The following IGF2R variants were observed in gnomAD, a reference collection of about 807,000 sequenced individuals.
IGF2R encodes the protein cation-independent mannose-6-phosphate receptor.
A neutral mutation model predicts 270.6 loss-of-function variants in IGF2R; 91 were observed. The ratio of observed to expected loss-of-function variants is 0.34; its 90% CI spans 0.28 to 0.40. IGF2R has a LOEUF of 0.40. Among genes scored for constraint, IGF2R ranks in the 10% least tolerant of loss-of-function variants. The pLI is 1.00. For missense variants in IGF2R, 2,805 were observed against 3,188.3 expected, an observed-to-expected ratio of 0.88 and a Z score of 2.90; for synonymous variants, 1,316 against 1,258.9, an observed-to-expected ratio of 1.05 and a Z score of -0.96.
At position 160,104,890 on chromosome 6, in the gene IGF2R, G is replaced by A; in HGVS notation, c.7282G>A (p.Gly2428Arg). ...EVKVHSGRGAGAESSHPVRNA... is the reference protein window; with the variant it reads ...EVKVHSGRGARAESSHPVRNA... ...GAAAGTTCACTCGGGCAGGGGAGCT[G>A]GGGCAGAGAGCTCCCACCCAGTGAG... The change falls in exon 48 of 48, where the codon GGG becomes AGG. Residue 2428 changes from glycine to arginine, a missense_variant. Around this residue, in one of 2 missense-constraint regions of IGF2R, gnomAD observed 1,851 missense variants for 2,207.2 expected, o/e 0.84. Coordinates refer to ENST00000356956, the MANE Select transcript of IGF2R (RefSeq NM_000876.4). The A allele has an allele frequency of 6.2e-7, 1 of 1,614,132 alleles. No homozygotes were observed. The highest frequency in any genetic ancestry group is 1.3e-5 in the African/African-American group (1 of 75,040).
rs1778356057 is a variant in IGF2R at position 160,058,247 on chromosome 6, A to G, written c.2898+123A>G. ...GCCACTGTGGTGGCAGCTCTTACTCAGAAGGAGATGGGAAAATCCAGATTT... is the reference window on the plus strand; with the variant it reads ...GCCACTGTGGTGGCAGCTCTTACTCGGAAGGAGATGGGAAAATCCAGATTT... On this transcript the variant is annotated intron_variant, in intron 21 of 47. Transcript: ENST00000356956. 6.0e-6 allele frequency: 4 copies of G among 667,022 alleles called. No individual in the cohort carries two copies. In the Admixed American group the frequency reaches 7.5e-5, roughly 12 times the overall value. 41.3% of individuals were successfully genotyped at this position (667,022 alleles called of 1,614,324 possible).
chr6:160,072,911 G>T, intron 33 of IGF2R, 27 bp downstream of exon 33: 1 of 1,595,540 alleles, frequency 6.3e-7, no homozygotes, highest in Non-Finnish European at 8.5e-7. Context: ...CTCGTGTGTT[G>T]TCTGACTCTC....
At chr6:159,992,457 ACATGTGGTATTTGGTGTT>A (rs1279022063) in intron 2 of IGF2R, among the ~76,000 whole-genome samples, 1 of 152,194 alleles carries the variant, frequency 6.6e-6, no homozygotes, top group Non-Finnish European at 1.5e-5. Flanking sequence ...ATAAGTGAGA[ACATGTGGTATTTGGTGTT>A]CTCTTTCTGA....
intron 4 of IGF2R, among the ~76,000 whole-genome samples, chr6:160,020,293 G>C (rs998791801): frequency 6.6e-6 from 1 of 151,542 alleles, no homozygotes; most frequent in Non-Finnish European, 1.5e-5. Flanking sequence ...ACTGATGAAA[G>C]AAATTGTAGA....
At chr6:160,080,031 AGGAT>A in intron 38 of IGF2R, 94 bp from the exon 39 acceptor site, 1 of 1,421,758 alleles carries the variant, frequency 7.0e-7, no homozygotes, top group Non-Finnish European at 9.7e-7. Context: ...TAGGTGCTTT[AGGAT>A]GGGCAGCTTC....
chr6:160,062,946 C>A (rs975411926), intron 26 of IGF2R, among the ~76,000 whole-genome samples: 1 of 136,428 alleles, frequency 7.3e-6, no homozygotes, highest in Non-Finnish European at 1.6e-5. Context: ...AGCTGTTTGC[C>A]AGGCGATTTG....
At chr6:160,086,105 T>C (rs1428386970) in intron 41 of IGF2R, among the ~76,000 whole-genome samples, 1 of 152,214 alleles carries the variant, frequency 6.6e-6, no homozygotes, top group Non-Finnish European at 1.5e-5. Context: ...TTCCTAAAAG[T>C]TTGAGGCAGG....
At chr6:160,006,423 CGGAGCTGTCCAGGCGCG>C (rs550477838) in intron 2 of IGF2R, 5,213 of 152,988 alleles carry the variant, frequency 0.034, 154 homozygotes, top group East Asian at 0.14. Flanking sequence ...TGTCCAGGCG[CGGAGCTGTCCAGGCGCG>C]GGAGCTGTCC....
chr6:159,993,752 T>A (rs754619281), intron 2 of IGF2R, among the ~76,000 whole-genome samples: 5 of 152,216 alleles, frequency 3.3e-5, no homozygotes, highest in Admixed American at 1.3e-4. Flanking sequence ...GTTTTTCTAA[T>A]TCTGTGAAAA....
intron 38 of IGF2R, 81 bp from the exon 39 acceptor site, chr6:160,080,048 T>C: frequency 6.6e-7 from 1 of 1,510,826 alleles, no homozygotes; most frequent in Non-Finnish European, 9.0e-7. Context: ...GCAGCTTCCT[T>C]AGGGACTGCT....
intron 19 of IGF2R, among the ~76,000 whole-genome samples, chr6:160,054,807 G>C (rs935595880): frequency 6.6e-6 from 1 of 152,134 alleles, no homozygotes; most frequent in African/African-American, 2.4e-5. Context: ...TAGGAGAGTG[G>C]AGAGACTGGA....
chr6:159,997,053 C>T (rs931776607), intron 2 of IGF2R, among the ~76,000 whole-genome samples: 1 of 152,214 alleles, frequency 6.6e-6, no homozygotes, highest in Non-Finnish European at 1.5e-5. Context: ...TGCCCAAGCA[C>T]TGAGACCACC....
chr6:159,975,488 T>A (rs1045561297), intron 1 of IGF2R, among the ~76,000 whole-genome samples: 1 of 151,758 alleles, frequency 6.6e-6, no homozygotes, highest in African/African-American at 2.4e-5. Context: ...CTGGGGAGGA[T>A]CTTAAGACCC....
chr6:159,988,928 A>G (rs921792374), intron 1 of IGF2R, among the ~76,000 whole-genome samples: 1 of 152,210 alleles, frequency 6.6e-6, no homozygotes, highest in African/African-American at 2.4e-5. Context: ...AAAGGAAACA[A>G]GCCTTTATTG....
At chr6:160,101,184 G>T (rs1385326986) in intron 45 of IGF2R, among the ~76,000 whole-genome samples, 1 of 152,122 alleles carries the variant, frequency 6.6e-6, no homozygotes, top group Non-Finnish European at 1.5e-5. Context: ...ATAGAAATAC[G>T]TTTGAAGACT....
intron 7 of IGF2R, 48 bp downstream of exon 7, chr6:160,029,703 G>A (rs760567248): frequency 1.4e-6 from 2 of 1,405,600 alleles, no homozygotes; most frequent in Admixed American, 1.7e-5. Flanking sequence ...AGTAGCCTGG[G>A]TTGCCCATGC....
intron 42 of IGF2R, 150 bp from the exon 43 acceptor site, chr6:160,088,957 G>T: frequency 2.9e-6 from 2 of 697,696 alleles, no homozygotes; most frequent in East Asian, 2.9e-5. Flanking sequence ...AGCCCGGGGA[G>T]TGGGGGCCTC....
chr6:160,100,136 GGTAGA>G (rs1236502801), intron 45 of IGF2R, among the ~76,000 whole-genome samples: 2 of 152,080 alleles, frequency 1.3e-5, no homozygotes, highest in East Asian at 3.9e-4. Context: ...AGCCCAGTAT[GGTAGA>G]AATAAATCTA....
intron 1 of IGF2R, among the ~76,000 whole-genome samples, chr6:159,977,940 G>C (rs1042822942): frequency 6.6e-6 from 1 of 152,168 alleles, no homozygotes; most frequent in African/African-American, 2.4e-5. Context: ...TGTAGGCTAG[G>C]TGTGGGAATT....
Sources: allele counts gnomAD v4.1 joint callset (sites outside exome capture counted in the v4.1 genomes callset), GRCh38; gene constraint gnomAD v4.1.1; regional missense constraint gnomAD v4.1.1; transcripts MANE v1.5; gene names NCBI Gene and HGNC (gene_info 2026-07-23, HGNC 2026-07-21).